Variants in PSMA8 observed in about 807,000 individuals in gnomAD.
PSMA8 encodes proteasome subunit alpha-type 8.
In PSMA8, 18 loss-of-function variants were observed where a neutral mutation model predicts 32.4. The observed-to-expected ratio is 0.56, with a 90% CI of 0.38 to 0.82. PSMA8 has a LOEUF of 0.82. PSMA8 is among the 40% of genes least tolerant of loss of function. PSMA8 has a pLI of 0.00. For missense variants in PSMA8, 298 were observed against 300.7 expected (o/e 0.99, Z 0.07); for synonymous variants, 104 against 98.1 (o/e 1.06, Z -0.36).
chr18:26,137,309 A>C (rs2054919358), intron 1 of PSMA8, among the ~76,000 whole-genome samples: 1 of 152,158 alleles, frequency 6.6e-6, no homozygotes, highest in Admixed American at 6.6e-5. Flanking sequence ...AATACAAAAA[A>C]TTAGCTGAGC....
Position 26,183,225 on chromosome 18 carries a change from C to T in PSMA8, c.660+4095C>T, listed in dbSNP as rs1026528789. 3.5e-4 allele frequency among the ~76,000 whole-genome samples: 52 copies of T among 149,660 alleles called. No individual in the cohort carries two copies. In the Middle Eastern group the frequency reaches 0.01, roughly 29 times the overall value. Reference sequence around the variant, plus strand: ...TGATCAATATGGTGAAACCCTGTCTCTACTGAAAATACAAAAATTAGCTGG... The same window carrying T: ...TGATCAATATGGTGAAACCCTGTCTTTACTGAAAATACAAAAATTAGCTGG... On this transcript the variant is annotated intron_variant, in intron 6 of 6. Transcript: ENST00000415576.
intron 6 of PSMA8, 105 bp from the exon 7 acceptor site, chr18:26,192,214 G>A (rs1423507150): frequency 1.0e-6 from 1 of 990,164 alleles, no homozygotes; most frequent in African/African-American, 1.7e-5. Flanking sequence ...ATATAAAGTT[G>A]TACATAGAAA....
At chr18:26,165,039 T>C (rs924549384) in intron 4 of PSMA8, among the ~76,000 whole-genome samples, 3 of 152,080 alleles carry the variant, frequency 2.0e-5, no homozygotes, top group Non-Finnish European at 4.4e-5. Flanking sequence ...TGCCTCAGCC[T>C]CCCAAGTAGC....
At chr18:26,176,533 C>A (rs1412960553) in intron 4 of PSMA8, among the ~76,000 whole-genome samples, 1 of 152,124 alleles carries the variant, frequency 6.6e-6, no homozygotes, top group African/African-American at 2.4e-5. Context: ...TAAAAATAAT[C>A]TTTTGCTAAC....
intron 6 of PSMA8, among the ~76,000 whole-genome samples, chr18:26,179,855 T>G (rs1156600425): frequency 6.7e-6 from 1 of 149,826 alleles, no homozygotes; most frequent in Non-Finnish European, 1.5e-5. Context: ...GAGACTGAGG[T>G]GGGAGGATCA....
At chr18:26,184,644 T>C (rs1907854767) in intron 6 of PSMA8, among the ~76,000 whole-genome samples, 1 of 148,776 alleles carries the variant, frequency 6.7e-6, no homozygotes, top group Non-Finnish European at 1.5e-5. Context: ...CATGGTGGCA[T>C]GTGCCTGTAA....
At chr18:26,139,873 T>C (rs1055328812) in intron 1 of PSMA8, among the ~76,000 whole-genome samples, 1 of 152,182 alleles carries the variant, frequency 6.6e-6, no homozygotes, top group African/African-American at 2.4e-5. Flanking sequence ...GAGACTAACA[T>C]AGGTTTCTGT....
intron 2 of PSMA8, among the ~76,000 whole-genome samples, chr18:26,146,573 G>A (rs916776357): frequency 6.6e-6 from 1 of 151,928 alleles, no homozygotes; most frequent in East Asian, 1.9e-4. Flanking sequence ...GAGCCTGTCT[G>A]AGCAACATGG....
intron 2 of PSMA8, among the ~76,000 whole-genome samples, chr18:26,148,578 T>C (rs1023540206): frequency 2.6e-5 from 4 of 152,098 alleles, no homozygotes; most frequent in African/African-American, 7.2e-5. Context: ...TGGTGAAAGA[T>C]TGAAAGCTTT....
rs578227985 is a variant in PSMA8 at position 26,151,931 on chromosome 18, G to C, written c.303G>C (p.Glu101Asp). 4.3e-6 allele frequency: 7 copies of C among 1,612,212 alleles called. No individual in the cohort carries two copies. In the East Asian group the frequency reaches 1.6e-4, roughly 36 times the overall value. ...GCCAGAGCCATAAGCTTACGGTTGA[G>C]GACCCAGTCACTGTAGAATACATAA... ...VECQSHKLTV[E>D]DPVTVEYITR... is the part of the protein sequence containing the mutation. Residue 101 changes from glutamate (E) to aspartate (D), a missense_variant, in exon 3 of 7, where the codon GAG becomes GAC. Glu to Asp is a conservative substitution (Grantham distance 45). Coordinates refer to ENST00000415576, the MANE Select transcript of PSMA8 (RefSeq NM_001025096.2).
At chr18:26,166,556 C>T (rs1479848205) in intron 4 of PSMA8, among the ~76,000 whole-genome samples, 1 of 152,098 alleles carries the variant, frequency 6.6e-6, no homozygotes, top group Non-Finnish European at 1.5e-5. Context: ...TTTTAACATT[C>T]TGTGTGATGA....
chr18:26,177,814 A>G (rs985953459), intron 4 of PSMA8, among the ~76,000 whole-genome samples: 3 of 152,078 alleles, frequency 2.0e-5, no homozygotes, highest in Non-Finnish European at 4.4e-5. Flanking sequence ...AGCTTTCTTC[A>G]TGTTGATGTC....
At chr18:26,134,330 T>G (rs907080455) in intron 1 of PSMA8, among the ~76,000 whole-genome samples, 34 of 147,606 alleles carry the variant, frequency 2.3e-4, no homozygotes, top group African/African-American at 8.6e-4. Context: ...AAAACTAGGG[T>G]GTGTGTGTGG....
chr18:26,142,659 T>G (rs894665245), intron 1 of PSMA8, among the ~76,000 whole-genome samples: 3 of 152,190 alleles, frequency 2.0e-5, no homozygotes, highest in African/African-American at 7.2e-5. Context: ...CAGAAATTTA[T>G]TTCTCACAAT....
rs571530018 is a variant in PSMA8 at position 26,193,143 on chromosome 18, A to G, written c.*732A>G. 19 of 152,300 alleles carry G rather than the reference A, an allele frequency of 1.2e-4. No homozygotes were observed. The South Asian group carries it at 2.1e-3, about 17-fold the overall frequency. 9.4% of individuals were successfully genotyped at this position (152,300 alleles called of 1,614,324 possible). On this transcript the variant is annotated 3_prime_UTR_variant, in exon 7 of 7. Coordinates refer to ENST00000415576, the MANE Select transcript of PSMA8 (RefSeq NM_001025096.2). ...TTTAGATTTTTATTTTATCTCAAGT[A>G]TGTCCAGTGTGTTCGGTTTGTTACA...
intron 2 of PSMA8, among the ~76,000 whole-genome samples, chr18:26,149,205 T>A (rs1304079518): frequency 6.6e-6 from 1 of 152,088 alleles, no homozygotes; most frequent in African/African-American, 2.4e-5. Flanking sequence ...AACAATTCCA[T>A]GTCAATAGCA....
Position 26,185,536 on chromosome 18 carries a change from G to T in PSMA8, c.660+6406G>T, listed in dbSNP as rs761467015. Among the ~76,000 whole-genome samples the T allele has an allele frequency of 9.9e-5, 15 of 150,754 alleles. 1 individual carries two copies. The highest frequency in any genetic ancestry group is 3.0e-5 in the Non-Finnish European group (2 of 67,734). On this transcript the variant is annotated intron_variant, in intron 6 of 6. Coordinates refer to ENST00000415576, the MANE Select transcript of PSMA8 (RefSeq NM_001025096.2). ...GGGAGAACTTCCCTAACTCTGGAAT[G>T]TAAGTCCTTCCCTTCAATCTGATTG... is the stretch of plus-strand genomic sequence containing the variant.
intron 4 of PSMA8, among the ~76,000 whole-genome samples, chr18:26,176,893 A>G (rs2055268322): frequency 6.6e-6 from 1 of 152,170 alleles, no homozygotes; most frequent in Non-Finnish European, 1.5e-5. Flanking sequence ...AAATCACGCC[A>G]TTGCACTCCA....
At chr18:26,157,434 G>T (rs1038547089) in intron 3 of PSMA8, among the ~76,000 whole-genome samples, 1 of 151,724 alleles carries the variant, frequency 6.6e-6, no homozygotes, top group Admixed American at 6.6e-5. Context: ...TGTCAGGAAT[G>T]CTTCTTTGCA....
Sources: gnomAD v4.1 joint callset for allele counts (sites outside exome capture counted in the v4.1 genomes callset) on GRCh38, gnomAD v4.1.1 for gene constraint, MANE v1.5 for transcripts, NCBI Gene and HGNC (gene_info 2026-07-23, HGNC 2026-07-21) for gene names.